The following LAMC3 variants were observed in gnomAD, a reference collection of about 807,000 sequenced individuals.
LAMC3 encodes the protein laminin subunit gamma 3, also known as laminin subunit gamma-3.
In LAMC3, 128 loss-of-function variants were observed where a neutral mutation model predicts 173.8. The ratio of observed to expected loss-of-function variants is 0.74; its 90% confidence interval spans 0.64 to 0.85. The LOEUF (loss-of-function observed/expected upper bound fraction) is 0.85, where lower values mean the gene tolerates loss of function less well. Ranked by LOEUF, LAMC3 falls within the 40% of genes least tolerant of loss-of-function variation. LAMC3 has a pLI of 0.00. For synonymous variants in LAMC3, 897 were observed against 909.1 expected, an observed-to-expected ratio of 0.99 and a Z score of 0.24; for missense variants, 2,022 against 2,156.0, an observed-to-expected ratio of 0.94 and a Z score of 1.23.
intron 1 of LAMC3, among the ~76,000 whole-genome samples, chr9:131,023,760 G>T (rs991036769): frequency 6.6e-6 from 1 of 152,046 alleles, no homozygotes; most frequent in Non-Finnish European, 1.5e-5. Context: ...GGGCCACCAT[G>T]CTCAGCTCAT....
intron 23 of LAMC3, 107 bp downstream of exon 23, chr9:131,079,405 C>A: frequency 1.4e-6 from 2 of 1,380,402 alleles, no homozygotes; most frequent in Non-Finnish European, 2.0e-6. Flanking sequence ...ACAGAAGTAG[C>A]TCTGTCCGGC....
chr9:131,033,761 G>T (rs769307289), intron 3 of LAMC3, among the ~76,000 whole-genome samples: 1 of 152,106 alleles, frequency 6.6e-6, no homozygotes, highest in South Asian at 2.1e-4. Flanking sequence ...GGGTCTGAAC[G>T]CGACTGAGGA....
At chr9:131,033,556 G>A (rs976229169) in intron 3 of LAMC3, among the ~76,000 whole-genome samples, 2 of 152,054 alleles carry the variant, frequency 1.3e-5, no homozygotes, top group Admixed American at 6.6e-5. Context: ...GGGCCTGGGC[G>A]GGTTTAGCCT....
chr9:131,089,480 C>A (rs998914476), intron 27 of LAMC3, among the ~76,000 whole-genome samples: 14 of 151,666 alleles, frequency 9.2e-5, no homozygotes, highest in African/African-American at 3.4e-4. Flanking sequence ...TGGGCTCAAG[C>A]GATTCTTCCA....
intron 1 of LAMC3, among the ~76,000 whole-genome samples, chr9:131,012,156 GGA>G (rs1381050075): frequency 6.6e-6 from 1 of 151,954 alleles, no homozygotes; most frequent in East Asian, 1.9e-4. Context: ...CAGGCATATA[GGA>G]GAGAGTCCAC....
At chr9:131,032,273 G>A (rs1284451230) in intron 3 of LAMC3, 98 bp downstream of exon 3, 2 of 627,508 alleles carry the variant, frequency 3.2e-6, no homozygotes, top group Non-Finnish European at 5.9e-6. Context: ...GGGCACAGAA[G>A]CCAGGTGTGC....
At chr9:131,063,227 C>T (rs529511707) in intron 13 of LAMC3, among the ~76,000 whole-genome samples, 2 of 152,332 alleles carry the variant, frequency 1.3e-5, no homozygotes, top group African/African-American at 4.8e-5. Flanking sequence ...ATGGAGATTG[C>T]ACTGCGGGAC....
intron 12 of LAMC3, among the ~76,000 whole-genome samples, chr9:131,060,596 T>C (rs1484364535): frequency 6.6e-6 from 1 of 151,926 alleles, no homozygotes; most frequent in African/African-American, 2.4e-5. Context: ...GTGAGCCAAA[T>C]TGCACCACTG....
Position 131,039,035 on chromosome 9 carries a change from G to A in LAMC3, c.1148G>A (p.Cys383Tyr). ...HWDPRMPCQP[C>Y]DCQSAGSLHL... The stretch of plus-strand genomic sequence containing the variant: ...GACCCGCGGATGCCATGCCAGCCCT[G>A]TGACTGCCAGTCGGCAGGTGAGTGG... The change falls in exon 5 of 28, where the codon TGT becomes TAT. Residue 383 changes from cysteine to tyrosine, a missense_variant. Physicochemically the swap from Cys to Tyr is radical, Grantham distance 194 (BLOSUM62 -2). Transcript: ENST00000361069. 4.3e-6 allele frequency: 7 copies of A among 1,613,466 alleles called. No individual in the cohort carries two copies. Among genetic ancestry groups the A allele is most frequent in the Non-Finnish European group, 5.9e-6 (7 of 1,179,980 alleles).
rs1038912338 is a variant in LAMC3 at position 131,009,427 on chromosome 9, G to A, written c.213G>A (p.Gly71=). ...FCPHVGAAGA[G]AHCQRCDAAD... ...CCCACGTGGGCGCCGCGGGCGCGGGGGCTCATTGCCAGCGCTGCGACGCCG... is the reference window on the plus strand; with the variant it reads ...CCCACGTGGGCGCCGCGGGCGCGGGAGCTCATTGCCAGCGCTGCGACGCCG... The change falls in exon 1 of 28, where the codon GGG becomes GGA. Residue 71 remains glycine (G), a synonymous_variant. Transcript: ENST00000361069. The surrounding 1 kb of genome is among the most constrained non-coding windows in gnomAD (Gnocchi z 4.3). 160 of 1,543,414 alleles carry A rather than the reference G, an allele frequency of 1.0e-4. No homozygotes were observed. Among genetic ancestry groups the A allele is most frequent in the East Asian group, 2.5e-4 (10 of 40,708 alleles).
intron 16 of LAMC3, 21 bp downstream of exon 16, chr9:131,069,071 C>G: frequency 6.2e-7 from 1 of 1,612,736 alleles, no homozygotes; most frequent in Middle Eastern, 1.9e-4. Flanking sequence ...TGGGTCCTTC[C>G]CGGGCTGCCC....
chr9:131,018,751 A>G (rs1203497973), intron 1 of LAMC3, among the ~76,000 whole-genome samples: 1 of 151,952 alleles, frequency 6.6e-6, no homozygotes, highest in East Asian at 1.9e-4. Flanking sequence ...CCCCAAACTT[A>G]CTTCTCACCA....
At position 131,009,934 on chromosome 9, in the gene LAMC3, A is replaced by G. The variant is rs1399225398; in HGVS notation, c.373+347A>G. 6.6e-6 allele frequency among the ~76,000 whole-genome samples: 1 copy of G among 151,676 alleles called. No homozygotes were observed. The highest frequency in any genetic ancestry group is 1.5e-5 in the Non-Finnish European group (1 of 67,900). On this transcript the variant is annotated intron_variant, in intron 1 of 27. Transcript: ENST00000361069. The surrounding 1 kb of genome is among the most constrained non-coding windows in gnomAD (Gnocchi z 4.3). ...TTTGGGAGGCCGAGGCGGGCGGATC[A>G]CCTGAGGTCAGGAGTTCGAGACCAG...
intron 1 of LAMC3, among the ~76,000 whole-genome samples, chr9:131,021,466 AATAATAC>A (rs962666752): frequency 6.6e-6 from 1 of 152,188 alleles, no homozygotes. Context: ...TGTGAGGTCC[AATAATAC>A]ATATATATAA....
At chr9:131,031,890 T>C (rs1833830820) in intron 2 of LAMC3, among the ~76,000 whole-genome samples, 155 bp from the exon 3 acceptor site, 1 of 152,242 alleles carries the variant, frequency 6.6e-6, no homozygotes, top group African/African-American at 2.4e-5. Context: ...ACAGCCTCCT[T>C]ATTTCTGCAG....
intron 9 of LAMC3, among the ~76,000 whole-genome samples, chr9:131,051,983 A>C (rs1223038167): frequency 6.6e-6 from 1 of 152,192 alleles, no homozygotes; most frequent in African/African-American, 2.4e-5. Flanking sequence ...TTCCGAGTTC[A>C]GGGCAAGTTC....
chr9:131,030,336 C>A (rs1833803456), intron 2 of LAMC3, among the ~76,000 whole-genome samples: 1 of 152,214 alleles, frequency 6.6e-6, no homozygotes, highest in Non-Finnish European at 1.5e-5. Flanking sequence ...GATTTTGACC[C>A]CATTCCTTTG....
At chr9:131,080,564 C>G (rs376633205) in intron 23 of LAMC3, among the ~76,000 whole-genome samples, 10 of 152,152 alleles carry the variant, frequency 6.6e-5, no homozygotes, top group African/African-American at 2.2e-4. Flanking sequence ...ATTACAGGCA[C>G]GAGCCATCAC....
At chr9:131,032,508 C>CTCTCTCTCGCTG (rs1833846820) in intron 3 of LAMC3, among the ~76,000 whole-genome samples, 1 of 89,292 alleles carries the variant, frequency 1.1e-5, no homozygotes, top group Non-Finnish European at 2.8e-5. Context: ...CTCTCACTCG[C>CTCTCTCTCGCTG]TCTCTCTCTC....
Sources: allele counts gnomAD v4.1 joint callset (sites outside exome capture counted in the v4.1 genomes callset), GRCh38; gene constraint gnomAD v4.1.1; non-coding constraint Gnocchi (gnomAD v3.1); transcripts MANE v1.5; gene names NCBI Gene and HGNC (gene_info 2026-07-23, HGNC 2026-07-21).